Variants in LRPAP1 observed in about 807,000 individuals in gnomAD.
LRPAP1 encodes the protein LDL receptor related protein associated protein 1.
In LRPAP1, 41 loss-of-function variants were observed where a neutral mutation model predicts 39.9. The ratio of observed to expected loss-of-function variants is 1.03; its 90% confidence interval spans 0.80 to 1.33. The LOEUF (loss-of-function observed/expected upper bound fraction) is 1.33, where lower values mean the gene tolerates loss of function less well. Ranked by LOEUF, LRPAP1 falls within the 40% of genes most tolerant of loss-of-function variation. The pLI is 0.00. For synonymous variants in LRPAP1, 263 were observed against 212.7 expected (o/e 1.24, Z -2.06); for missense variants, 565 against 482.3 (o/e 1.17, Z -1.61).
chr4:3,520,152 G>C lies in LRPAP1; in HGVS notation c.391C>G (p.Arg131Gly). The C allele has an allele frequency of 1.2e-6, 2 of 1,614,182 alleles. No individual in the cohort carries two copies. The highest frequency in any genetic ancestry group is 1.7e-6 in the Non-Finnish European group (2 of 1,180,030). Residue 131 changes from arginine (R) to glycine (G), a missense_variant, in exon 3 of 8, where the codon CGG (arginine) becomes GGG (glycine). Transcript: ENST00000650182. ...CTGAGGGAGTTGCTGGTCACCTGCC[G>C]AGCGTCCTTCTTTCCGTCCAGACCA... ...KYGLDGKKDARQVTSNSLSGT... is the reference protein window; with the variant it reads ...KYGLDGKKDAGQVTSNSLSGT...
intron 3 of LRPAP1, among the ~76,000 whole-genome samples, chr4:3,519,398 C>T (rs1323569231): frequency 6.6e-6 from 1 of 152,212 alleles, no homozygotes; most frequent in Non-Finnish European, 1.5e-5. Context: ...TGTGAGATGA[C>T]GTGGCTCACA....
rs868706629 is a variant in LRPAP1, at chr4:3,505,186, G to A, written c.*7788C>T. ...GCTCACGGACACGAGGAAGAAGGGC[G>A]ACCGTGTCCTGGACAGCCCAGCTCG... On this transcript the variant is annotated 3_prime_UTR_variant, in exon 8 of 8. Coordinates refer to ENST00000650182, the MANE Select transcript of LRPAP1 (RefSeq NM_002337.4). Among the ~76,000 whole-genome samples the A allele has an allele frequency of 2.7e-4, 41 of 152,314 alleles. No individual in the cohort carries two copies. The highest frequency in any genetic ancestry group is 6.2e-4 in the South Asian group (3 of 4,834).
At chr4:3,520,517 C>G (rs1257249653) in intron 2 of LRPAP1, among the ~76,000 whole-genome samples, 2 of 152,248 alleles carry the variant, frequency 1.3e-5, no homozygotes, top group South Asian at 2.1e-4. Flanking sequence ...TCGAAAGCAG[C>G]TGGTGGGCTG....
chr4:3,522,596 G>A (rs1300029432), intron 2 of LRPAP1, among the ~76,000 whole-genome samples: 2 of 51,232 alleles, frequency 3.9e-5, no homozygotes, highest in South Asian at 7.2e-4. Context: ...GAAGTCGGAC[G>A]CCGCCCCACA....
chr4:3,522,399 G>GGATTCTGGATT (rs1385394096), intron 2 of LRPAP1, among the ~76,000 whole-genome samples: 13 of 152,262 alleles, frequency 8.5e-5, no homozygotes, highest in Non-Finnish European at 1.9e-4. Context: ...TTCTGGAGGT[G>GGATTCTGGATT]CTGGGTTCTT....
At chr4:3,527,182 G>A (rs1730103691) in intron 1 of LRPAP1, among the ~76,000 whole-genome samples, 1 of 151,976 alleles carries the variant, frequency 6.6e-6, no homozygotes, top group African/African-American at 2.4e-5. Flanking sequence ...GGCAGCCTTC[G>A]ACACACCCCT....
intron 2 of LRPAP1, among the ~76,000 whole-genome samples, chr4:3,524,072 G>A (rs564038836): frequency 1.1e-4 from 16 of 152,300 alleles, no homozygotes; most frequent in African/African-American, 3.6e-4. Flanking sequence ...GCTGACAGCA[G>A]GCAGCTGAGC....
intron 2 of LRPAP1, among the ~76,000 whole-genome samples, chr4:3,521,318 T>TC (rs1214007256): frequency 2.0e-5 from 3 of 151,934 alleles, no homozygotes; most frequent in African/African-American, 7.3e-5. Context: ...GCCTCACACT[T>TC]CCCCTCACCC....
chr4:3,531,326 AT>A (rs1361881352), intron 1 of LRPAP1, among the ~76,000 whole-genome samples: 1 of 152,126 alleles, frequency 6.6e-6, no homozygotes, highest in Non-Finnish European at 1.5e-5. Context: ...GTTCCTTCTT[AT>A]TCTGCAAATC....
At position 3,532,362 on chromosome 4, in the gene LRPAP1, T is replaced by C. The variant is rs1577214983; in HGVS notation, c.51A>G (p.Leu17=). ...RSFLRGLPAL[L]LLLLFLGPWP... ...AGGGCCCGAGGAAGAGCAGCAGCAG[T>C]AGCAGCGCCGGGAGCCCGCGCAGAA... The change falls in exon 1 of 8, where the codon CTA becomes CTG. Residue 17 remains leucine (L), a synonymous_variant. Transcript: ENST00000650182. 1.3e-6 allele frequency: 2 copies of C among 1,594,324 alleles called. No homozygotes were observed. The highest frequency in any genetic ancestry group is 2.3e-5 in the East Asian group (1 of 44,006).
intron 3 of LRPAP1, among the ~76,000 whole-genome samples, chr4:3,519,621 C>A (rs963361714): frequency 1.3e-5 from 2 of 152,198 alleles, no homozygotes; most frequent in African/African-American, 4.8e-5. Context: ...CCACAGCCCA[C>A]CAGGCCCTGC....
intron 1 of LRPAP1, among the ~76,000 whole-genome samples, chr4:3,530,640 G>C (rs1336735350): frequency 6.6e-6 from 1 of 152,176 alleles, no homozygotes; most frequent in Non-Finnish European, 1.5e-5. Flanking sequence ...CTGGTCAGGC[G>C]AGCACCCAGC....
Position 3,512,766 on chromosome 4 carries a change from T to G in LRPAP1, c.*208A>C, listed in dbSNP as rs1729568554. The G allele has an allele frequency of 3.4e-6, 2 of 581,708 alleles. No homozygotes were observed. Among genetic ancestry groups the G allele is most frequent in the Non-Finnish European group, 6.1e-6 (2 of 325,862 alleles). The allele number at this position is 581,708 out of a possible 1,614,324, so 36.0% of individuals were successfully genotyped here. On this transcript the variant is annotated 3_prime_UTR_variant, in exon 8 of 8. Transcript: ENST00000650182. Reference sequence around the variant, plus strand: ...GAAGCCAAGCCCCTTCAGTCAGAGCTGGGCCGATCTCAGACCCAAATGCTA... The same window carrying G: ...GAAGCCAAGCCCCTTCAGTCAGAGCGGGGCCGATCTCAGACCCAAATGCTA...
At position 3,518,896 on chromosome 4, in the gene LRPAP1, CA is replaced by C; in HGVS notation, c.566del (p.Leu189ArgfsTer5). The C allele has an allele frequency of 6.2e-7, 1 of 1,612,310 alleles. No homozygotes were observed. The highest frequency in any genetic ancestry group is 8.5e-7 in the Non-Finnish European group (1 of 1,179,556). ...HKEKVHEYNV[L>X]LETLSRTEEI... Reference sequence around the variant, plus strand: ...CTTCGGTCCTGCTCAGGGTCTCCAGCAGGACGTTGTACTCGTGAACTTTCTC... The same window carrying C: ...CTTCGGTCCTGCTCAGGGTCTCCAGCGGACGTTGTACTCGTGAACTTTCTC... On this transcript the variant is annotated frameshift_variant, in exon 4 of 8. Coordinates refer to ENST00000650182, the MANE Select transcript of LRPAP1 (RefSeq NM_002337.4). LOFTEE classifies it high-confidence loss of function.
intron 5 of LRPAP1, among the ~76,000 whole-genome samples, chr4:3,516,654 G>A (rs1175359774): frequency 6.6e-6 from 1 of 152,244 alleles, no homozygotes; most frequent in Non-Finnish European, 1.5e-5. Flanking sequence ...AGGATGTTGT[G>A]CTCGTGAAAG....
rs1553852386 is a variant in LRPAP1, at chr4:3,504,148, G to T, written c.*8826C>A. Reference sequence around the variant, plus strand: ...TCGCCCTATCCTGAATGTGAGCGGGGAAAGTGCTCACCTGGCAAGATCTGG... The same window carrying T: ...TCGCCCTATCCTGAATGTGAGCGGGTAAAGTGCTCACCTGGCAAGATCTGG... On this transcript the variant is annotated 3_prime_UTR_variant, in exon 8 of 8. Coordinates refer to ENST00000650182, the MANE Select transcript of LRPAP1 (RefSeq NM_002337.4). The T allele has an allele frequency of 6.6e-6, 1 of 152,314 alleles. No homozygotes were observed. Among genetic ancestry groups the T allele is most frequent in the Non-Finnish European group, 1.5e-5 (1 of 68,074 alleles). The allele number at this position is 152,314 out of a possible 1,614,324, so 9.4% of individuals were successfully genotyped here.
rs1255946698 is a variant in LRPAP1 at position 3,510,938 on chromosome 4, A to G, written c.*2036T>C. On this transcript the variant is annotated 3_prime_UTR_variant, in exon 8 of 8. Transcript: ENST00000650182. ...GTGCGCACCATGACCAGCCACACCC[A>G]TGGAACTAACACTCGGTATCTGGGT... 1.3e-5 allele frequency: 2 copies of G among 152,298 alleles called. No homozygotes were observed. Among genetic ancestry groups the G allele is most frequent in the Non-Finnish European group, 2.9e-5 (2 of 68,058 alleles). 9.4% of individuals were successfully genotyped at this position (152,298 alleles called of 1,614,324 possible). A position where few individuals can be genotyped will look rare whatever the true frequency, so the allele number is the denominator to read the frequency against.
chr4:3,512,925 G>C lies in LRPAP1; in HGVS notation c.*49C>G. On this transcript the variant is annotated 3_prime_UTR_variant, in exon 8 of 8. Transcript: ENST00000650182. ...CGGAAATGCCACGGCCAAGAGCCCA[G>C]GTCCTTCACGCTGGCCTCTTCCCTG... 1 of 1,554,564 alleles carries C rather than the reference G, an allele frequency of 6.4e-7. No homozygotes were observed. The highest frequency in any genetic ancestry group is 8.8e-7 in the Non-Finnish European group (1 of 1,142,546).
Position 3,512,960 on chromosome 4 carries a change from G to A in LRPAP1, c.*14C>T, listed in dbSNP as rs759842956. 6 of 1,606,368 alleles carry A rather than the reference G, an allele frequency of 3.7e-6. No individual in the cohort carries two copies. The highest frequency in any genetic ancestry group is 5.1e-6 in the Non-Finnish European group (6 of 1,176,900). On this transcript the variant is annotated 3_prime_UTR_variant, in exon 8 of 8. Coordinates refer to ENST00000650182, the MANE Select transcript of LRPAP1 (RefSeq NM_002337.4). ...GCTGGCCTCTTCCCTGCCGGGCTGG[G>A]CTCCCCAATGCCTTCAGAGTTCGTT...
Sources: allele counts gnomAD v4.1 joint callset (sites outside exome capture counted in the v4.1 genomes callset), GRCh38; gene constraint gnomAD v4.1.1; transcripts MANE v1.5; gene names NCBI Gene and HGNC (gene_info 2026-07-23, HGNC 2026-07-21).